Variants in IFT172 observed in about 807,000 individuals in gnomAD.
IFT172 encodes intraflagellar transport protein 172 homolog.
A neutral mutation model predicts 248.9 loss-of-function variants in IFT172; 164 were observed. That is an observed-to-expected ratio of 0.66 (90% CI 0.58 to 0.75). The LOEUF (loss-of-function observed/expected upper bound fraction) is 0.75, where lower values mean the gene tolerates loss of function less well. IFT172 is among the 30% of genes least tolerant of loss of function. IFT172 has a pLI of 0.00. For synonymous variants in IFT172, 729 were observed against 791.6 expected (o/e 0.92, Z 1.33); for missense variants, 1,950 against 2,192.4 (o/e 0.89, Z 2.21).
chr2:27,448,853 G>GAACTATC, intron 40 of IFT172, 62 bp downstream of exon 40: 1 of 821,968 alleles, frequency 1.2e-6, no homozygotes. Context: ...GAGAAGATAG[G>GAACTATC]TGGTTCTAGA....
intron 24 of IFT172, 30 bp downstream of exon 24, chr2:27,459,679 A>C: frequency 3.7e-6 from 6 of 1,610,480 alleles, no homozygotes; most frequent in Non-Finnish European, 5.1e-6. Flanking sequence ...TTCACACCTA[A>C]ATCTCCTTTA....
intron 15 of IFT172, chr2:27,471,937 C>G (rs534020133): frequency 2.2e-5 from 10 of 444,880 alleles, no homozygotes; most frequent in African/African-American, 6.0e-5. Context: ...ACTGGGGAGG[C>G]TGAGGCAGGA....
chr2:27,472,470 G>T, intron 14 of IFT172, 108 bp from the exon 15 acceptor site: 1 of 790,730 alleles, frequency 1.3e-6, no homozygotes, highest in Non-Finnish European at 2.0e-6. Flanking sequence ...GTCTCTTTTA[G>T]AATTGTAGAG....
rs769241426 is a variant in IFT172, at chr2:27,449,992, A to G, written c.4050+6T>C. On this transcript the variant is annotated splice_donor_region_variant and intron_variant, in intron 36 of 47. Coordinates refer to ENST00000260570, the MANE Select transcript of IFT172 (RefSeq NM_015662.3). ...TATTTCTGTTCCATCTCAGCATCCT[A>G]CTTACTGCACTGTGCTTTCCAATTC... 7 of 1,605,408 alleles carry G rather than the reference A, an allele frequency of 4.4e-6. No individual in the cohort carries two copies. The East Asian group carries it at 1.1e-4, about 26-fold the overall frequency.
chr2:27,455,214 G>A, intron 30 of IFT172: 2 of 328,212 alleles, frequency 6.1e-6, no homozygotes, highest in South Asian at 5.6e-5. Flanking sequence ...GCCAGAAAGA[G>A]AGGCAAACGG....
In IFT172 at chr2:27,447,938, A is replaced by G. The variant is rs1665298378; in HGVS notation, c.4429-16T>C. On this transcript the variant is annotated splice_polypyrimidine_tract_variant and intron_variant, in intron 40 of 47. Coordinates refer to ENST00000260570, the MANE Select transcript of IFT172 (RefSeq NM_015662.3). ...TATTGAAGTTCTAGAGGTAGAGGGA[A>G]GAAGGGGATCTGAGAAGGGCATAGC... The G allele has an allele frequency of 6.8e-7, 1 of 1,479,176 alleles. No individual in the cohort carries two copies. Among genetic ancestry groups the G allele is most frequent in the Non-Finnish European group, 9.5e-7 (1 of 1,056,788 alleles). The allele number at this position is 1,479,176 out of a possible 1,614,324, so 91.6% of individuals were successfully genotyped here.
In IFT172 at chr2:27,449,440, G is replaced by C. The variant is rs1056910179; in HGVS notation, c.4224+59C>G. On this transcript the variant is annotated intron_variant, in intron 38 of 47. Coordinates refer to ENST00000260570, the MANE Select transcript of IFT172 (RefSeq NM_015662.3). ...GAGATGACATGAGGGAAAGAAGAGG[G>C]AGAGAGTCTTGTGAGTCTCTCCCTG... 1.2e-4 allele frequency: 196 copies of C among 1,610,988 alleles called. 1 individual carries two copies. In the East Asian group the frequency reaches 4.0e-3, roughly 33 times the overall value.
intron 16 of IFT172, among the ~76,000 whole-genome samples, chr2:27,469,291 G>A (rs1245071681): frequency 6.6e-6 from 1 of 152,122 alleles, no homozygotes; most frequent in Non-Finnish European, 1.5e-5. Context: ...TTCTCAGGAC[G>A]CTGAGGTGGG....
At chr2:27,446,465 C>T in intron 42 of IFT172, 110 bp from the exon 43 acceptor site, 1 of 921,282 alleles carries the variant, frequency 1.1e-6, no homozygotes. Context: ...TATTATTAAA[C>T]TGCTCTGGAT....
chr2:27,479,363 C>A, intron 10 of IFT172, 146 bp downstream of exon 10: 2 of 626,754 alleles, frequency 3.2e-6, no homozygotes, highest in Middle Eastern at 4.0e-4. Flanking sequence ...ACGGTGTTGC[C>A]CTGACATATT....
intron 25 of IFT172, 52 bp downstream of exon 25, chr2:27,459,326 T>C: frequency 1.9e-6 from 3 of 1,592,588 alleles, no homozygotes; most frequent in Non-Finnish European, 1.7e-6. Context: ...GGTTCTCTCA[T>C]TGTTATCCTC....
rs704793 is a variant in IFT172, at chr2:27,458,798, C to T, written c.2858G>A (p.Arg953His). Residue 953 changes from arginine to histidine, a missense_variant, in exon 26 of 48, where the codon CGT (arginine) becomes CAT (histidine). Coordinates refer to ENST00000260570, the MANE Select transcript of IFT172 (RefSeq NM_015662.3). ...CCCTACCTTGTGGGCTTGTTCCCAA[C>T]GACCAGCCTGGGTGTACATGTCTAT... The part of the protein sequence containing the change: ...DAIDMYTQAG[R>H]WEQAHKLAMK... The T allele has an allele frequency of 1.4e-3, 2,180 of 1,614,136 alleles. 12 individuals carry two copies. In the African/African-American group the frequency reaches 0.019, roughly 14 times the overall value.
intron 18 of IFT172, 148 bp downstream of exon 18, chr2:27,465,263 T>C (rs1572775711): frequency 3.9e-5 from 26 of 669,662 alleles, no homozygotes; most frequent in East Asian, 3.2e-4. Context: ...GTTTGGAATA[T>C]TGTACTGCAG....
At position 27,454,753 on chromosome 2, in the gene IFT172, A is replaced by T. The variant is rs1282781133; in HGVS notation, c.3372-93T>A. ...ACAGAGAAAGGACAGAGTTGAGGGG[A>T]GAAAAAGTGACAGATTTAAGGATAA... is the stretch of plus-strand genomic sequence containing the variant. On this transcript the variant is annotated intron_variant, in intron 30 of 47. Coordinates refer to ENST00000260570, the MANE Select transcript of IFT172 (RefSeq NM_015662.3). This position sits in a 1 kb window ranked among gnomAD's most constrained non-coding sequence, Gnocchi z 4.2. The T allele has an allele frequency of 9.7e-6, 10 of 1,034,490 alleles. No homozygotes were observed. The Admixed American group carries it at 2.2e-4, about 22-fold the overall frequency. 64.1% of individuals were successfully genotyped at this position (1,034,490 alleles called of 1,614,324 possible). A position where few individuals can be genotyped will look rare whatever the true frequency, so the allele number is the denominator to read the frequency against.
At chr2:27,452,501 A>G (rs1351947956) in intron 35 of IFT172, among the ~76,000 whole-genome samples, 4 of 152,178 alleles carry the variant, frequency 2.6e-5, no homozygotes, top group Non-Finnish European at 5.9e-5. Context: ...AATGATCAGT[A>G]TGTTCTGAGA....
intron 42 of IFT172, among the ~76,000 whole-genome samples, chr2:27,446,680 A>ATTTTTTTTTTTTTTTT (rs766069964): frequency 1.2e-5 from 1 of 80,468 alleles, no homozygotes; most frequent in Non-Finnish European, 2.3e-5. Context: ...TGCCTGGCTA[A>ATTTTTTTTTTTTTTTT]TTTTTTTTTT....
At chr2:27,451,322 A>G (rs1665654073) in intron 35 of IFT172, among the ~76,000 whole-genome samples, 1 of 152,216 alleles carries the variant, frequency 6.6e-6, no homozygotes, top group Non-Finnish European at 1.5e-5. Flanking sequence ...CTAATCTGAA[A>G]AAGGTACAGT....
intron 23 of IFT172, 67 bp from the exon 24 acceptor site, chr2:27,459,896 A>T: frequency 6.3e-7 from 1 of 1,588,330 alleles, no homozygotes; most frequent in Non-Finnish European, 8.5e-7. Flanking sequence ...AAGGTAGGAC[A>T]GGGAGATGAA....
intron 7 of IFT172, among the ~76,000 whole-genome samples, chr2:27,482,741 G>T (rs933130395): frequency 2.0e-5 from 3 of 151,730 alleles, no homozygotes; most frequent in Non-Finnish European, 2.9e-5. Context: ...ACATAAATGG[G>T]AATAATTTTC....
Sources: allele counts gnomAD v4.1 joint callset (sites outside exome capture counted in the v4.1 genomes callset), GRCh38; gene constraint gnomAD v4.1.1; non-coding constraint Gnocchi (gnomAD v3.1); transcripts MANE v1.5; gene names NCBI Gene and HGNC (gene_info 2026-07-23, HGNC 2026-07-21).